Variants in PDE4B observed in about 807,000 individuals in gnomAD.
PDE4B encodes 3',5'-cyclic-AMP phosphodiesterase 4B.
Under a neutral mutation model 82.2 loss-of-function variants are expected in PDE4B, and 20 were observed. The ratio of observed to expected loss-of-function variants is 0.24; its 90% CI spans 0.17 to 0.35. The LOEUF (loss-of-function observed/expected upper bound fraction) is 0.35, where lower values mean the gene tolerates loss of function less well. Among genes scored for constraint, PDE4B ranks in the 10% least tolerant of loss-of-function variants. PDE4B has a pLI of 1.00. For synonymous variants in PDE4B, 320 were observed against 318.9 expected (o/e 1.00, Z -0.04); for missense variants, 655 against 907.2 (o/e 0.72, Z 3.57).
Position 66,110,725 on chromosome 1 carries a change from C to T in PDE4B, c.282-136735C>T, listed in dbSNP as rs139949297. 1.4e-4 allele frequency among the ~76,000 whole-genome samples: 22 copies of T among 151,978 alleles called. No homozygotes were observed. The East Asian group carries it at 1.7e-3, about 12-fold the overall frequency. On this transcript the variant is annotated intron_variant, in intron 3 of 16. Transcript: ENST00000341517. ...CTCATATGGTTGTCAAGGAAATAAA[C>T]GAGAATATATATAATGCGATTAAAC...
intron 1 of PDE4B, among the ~76,000 whole-genome samples, chr1:65,883,642 C>T (rs2100351228): frequency 6.6e-6 from 1 of 152,238 alleles, no homozygotes; most frequent in Non-Finnish European, 1.5e-5. Context: ...ATTGAATACC[C>T]TTTATTTCTT....
intron 1 of PDE4B, among the ~76,000 whole-genome samples, chr1:65,851,004 G>A (rs1022671696): frequency 1.3e-5 from 2 of 152,158 alleles, no homozygotes; most frequent in Admixed American, 1.3e-4. Flanking sequence ...AGGTTCACAT[G>A]TATGTGAATA....
chr1:65,879,544 A>T (rs1028785065), intron 1 of PDE4B, among the ~76,000 whole-genome samples: 1 of 152,172 alleles, frequency 6.6e-6, no homozygotes, highest in African/African-American at 2.4e-5. Flanking sequence ...GGACTGGAGG[A>T]ATCAGAAGTC....
intron 3 of PDE4B, among the ~76,000 whole-genome samples, chr1:66,172,702 T>G (rs1023137503): frequency 6.6e-6 from 1 of 152,246 alleles, no homozygotes; most frequent in Non-Finnish European, 1.5e-5. Flanking sequence ...TGATGATTAG[T>G]GATGTTGAGA....
chr1:66,016,033 A>G (rs1652757134), intron 3 of PDE4B, among the ~76,000 whole-genome samples: 2 of 152,152 alleles, frequency 1.3e-5, no homozygotes, highest in African/African-American at 4.8e-5. Context: ...GCATTTATGG[A>G]TTGGATAGTT....
rs185322473 is a variant in PDE4B at position 65,892,966 on chromosome 1, A to G, written c.-70-20279A>G. On this transcript the variant is annotated intron_variant, in intron 1 of 16. Transcript: ENST00000341517. The stretch of plus-strand genomic sequence containing the variant: ...ACCTATTGAAAATAAATAAATAAAT[A>G]AACATTACCATGAAAGTAAAGCTTG... Among the ~76,000 whole-genome samples the G allele has an allele frequency of 4.1e-3, 622 of 152,282 alleles. 2 individuals are homozygous for G. The highest frequency in any genetic ancestry group is 7.2e-3 in the Non-Finnish European group (490 of 68,006).
intron 1 of PDE4B, among the ~76,000 whole-genome samples, chr1:65,862,944 CT>C (rs968936873): frequency 3.3e-5 from 5 of 152,018 alleles, no homozygotes; most frequent in Middle Eastern, 6.8e-3. Flanking sequence ...TCTCTCTTTT[CT>C]TATTATTCTG....
chr1:66,345,477 G>C (rs1223306705), intron 8 of PDE4B, among the ~76,000 whole-genome samples: 4 of 152,098 alleles, frequency 2.6e-5, no homozygotes, highest in Non-Finnish European at 5.9e-5. Context: ...TTTTGATCAT[G>C]GAACTTGGTT....
intron 3 of PDE4B, among the ~76,000 whole-genome samples, chr1:66,073,614 GA>G (rs150915915): frequency 9.3e-5 from 14 of 150,106 alleles, no homozygotes; most frequent in East Asian, 3.9e-4. Flanking sequence ...TGTGCTTTTT[GA>G]AAAAAAAATA....
intron 1 of PDE4B, among the ~76,000 whole-genome samples, chr1:65,870,792 A>G (rs541080075): frequency 6.6e-5 from 10 of 152,314 alleles, no homozygotes; most frequent in African/African-American, 2.2e-4. Flanking sequence ...TGTTTAATTT[A>G]GAGCTAAGCA....
intron 3 of PDE4B, among the ~76,000 whole-genome samples, chr1:66,105,948 T>A (rs1335114507): frequency 6.6e-6 from 1 of 152,120 alleles, no homozygotes; most frequent in African/African-American, 2.4e-5. Flanking sequence ...TCCTGCCTAA[T>A]TGCCCTGGCC....
At chr1:65,839,294 A>C (rs925814146) in intron 1 of PDE4B, among the ~76,000 whole-genome samples, 6 of 151,446 alleles carry the variant, frequency 4.0e-5, no homozygotes, top group African/African-American at 1.5e-4. Flanking sequence ...TTTTTCTTTA[A>C]GTTCTGGGAT....
At chr1:65,850,649 TTGTG>T (rs1025952698) in intron 1 of PDE4B, among the ~76,000 whole-genome samples, 5 of 151,406 alleles carry the variant, frequency 3.3e-5, no homozygotes, top group Non-Finnish European at 7.4e-5. Flanking sequence ...AAGAGTGTGT[TTGTG>T]TGTATTTGTG....
intron 3 of PDE4B, among the ~76,000 whole-genome samples, chr1:65,973,721 A>T (rs1328708182): frequency 1.3e-5 from 2 of 152,204 alleles, no homozygotes; most frequent in Non-Finnish European, 2.9e-5. Context: ...AGACAGACAC[A>T]TTCATACATC....
At chr1:66,272,730 C>G in intron 7 of PDE4B, among the ~76,000 whole-genome samples, 1 of 150,436 alleles carries the variant, frequency 6.6e-6, no homozygotes, top group South Asian at 2.1e-4. Flanking sequence ...TTATTATTGT[C>G]CTCATTCTTT....
At chr1:66,266,211 C>T (rs1655027871) in intron 7 of PDE4B, 124 bp downstream of exon 7, 13 of 762,012 alleles carry the variant, frequency 1.7e-5, no homozygotes, top group Non-Finnish European at 3.0e-5. Flanking sequence ...AAGTATGTCT[C>T]TTGGTGACTT....
chr1:66,230,901 C>T (rs1317787961), intron 3 of PDE4B, among the ~76,000 whole-genome samples: 1 of 151,916 alleles, frequency 6.6e-6, no homozygotes, highest in African/African-American at 2.4e-5. Context: ...CAAAAATTAG[C>T]GGGGCACAGT....
intron 1 of PDE4B, among the ~76,000 whole-genome samples, chr1:65,872,312 T>C (rs1199685753): frequency 2.6e-5 from 4 of 152,180 alleles, no homozygotes; most frequent in Non-Finnish European, 5.9e-5. Flanking sequence ...TAATTGTTAA[T>C]AATTAATGAC....
intron 4 of PDE4B, among the ~76,000 whole-genome samples, chr1:66,249,980 A>C (rs898358445): frequency 5.3e-5 from 8 of 152,152 alleles, no homozygotes; most frequent in Non-Finnish European, 1.0e-4. Flanking sequence ...ACTTTTATAT[A>C]TTTGTCAGTT....
Sources: allele counts gnomAD v4.1 joint callset (sites outside exome capture counted in the v4.1 genomes callset), GRCh38; gene constraint gnomAD v4.1.1; transcripts MANE v1.5; gene names NCBI Gene and HGNC (gene_info 2026-07-23, HGNC 2026-07-21).